Variants in ITFG2 observed in about 807,000 individuals in gnomAD.
The protein encoded by ITFG2 is integrin alpha FG-GAP repeat containing 2.
In ITFG2, 36 loss-of-function variants were observed where a neutral mutation model predicts 54.4. The observed-to-expected ratio is 0.66, with a 90% CI of 0.51 to 0.87. The LOEUF is 0.87. ITFG2 is among the 40% of genes least tolerant of loss of function. The pLI is 0.00. For missense variants in ITFG2, 524 were observed against 576.7 expected (o/e 0.91, Z 0.94); for synonymous variants, 211 against 225.4 (o/e 0.94, Z 0.57).
chr12:2,817,372 G>A (rs1316912042), intron 2 of ITFG2, 54 bp downstream of exon 2: 14 of 1,297,726 alleles, frequency 1.1e-5, no homozygotes, highest in Non-Finnish European at 1.5e-5. Context: ...TTCTGTCCAG[G>A]GACCACCTAG....
intron 1 of ITFG2, 74 bp downstream of exon 1, chr12:2,812,930 C>G: frequency 7.7e-7 from 1 of 1,291,740 alleles, no homozygotes; most frequent in Non-Finnish European, 1.1e-6. Flanking sequence ...AAGAGGCCGC[C>G]CGAGCGTGCC....
chr12:2,859,632 A>G (rs1321704713), exon 4 of ITFG2: 1 of 1,611,506 alleles, frequency 6.2e-7, no homozygotes, highest in South Asian at 1.1e-5. Flanking sequence ...TGCAGAAGAA[A>G]GAGGAGCTAT....
Position 2,852,733 on chromosome 12 carries a change from G to A in ITFG2, n.301-5279G>A, listed in dbSNP as rs148416937. Reference sequence around the variant, plus strand: ...AAATGGGGTTAATGAGGCCGGGCACGGTGGCTCACGCCTGTAATCCCAGCA... The same window carrying A: ...AAATGGGGTTAATGAGGCCGGGCACAGTGGCTCACGCCTGTAATCCCAGCA... On this transcript the variant is annotated intron_variant and non_coding_transcript_variant, in intron 2 of 3. Transcript: ENST00000537710. Among the ~76,000 whole-genome samples the A allele has an allele frequency of 2.4e-3, 360 of 152,134 alleles. 4 individuals are homozygous for A. Among genetic ancestry groups the A allele is most frequent in the African/African-American group, 8.5e-3 (351 of 41,516 alleles).
chr12:2,819,319 T>C (rs1170020711), intron 4 of ITFG2, among the ~76,000 whole-genome samples: 1 of 150,320 alleles, frequency 6.7e-6, no homozygotes, highest in Non-Finnish European at 1.5e-5. Context: ...AAAAAAAAAA[T>C]TAACCGGGCA....
At chr12:2,857,346 G>T (rs2098090784) in intron 2 of ITFG2, 1 of 414,756 alleles carries the variant, frequency 2.4e-6, no homozygotes, top group South Asian at 2.6e-5. Flanking sequence ...CTGTAACTGG[G>T]CCCTTCCTGC....
At chr12:2,817,126 A>C (rs1479591574) in intron 1 of ITFG2, 97 bp from the exon 2 acceptor site, 3 of 703,046 alleles carry the variant, frequency 4.3e-6, no homozygotes, top group Non-Finnish European at 7.6e-6. Context: ...ATACAAGTTG[A>C]GGTCTTGTGA....
intron 2 of ITFG2, among the ~76,000 whole-genome samples, chr12:2,854,086 C>T (rs1453530425): frequency 6.6e-6 from 1 of 152,170 alleles, no homozygotes; most frequent in African/African-American, 2.4e-5. Flanking sequence ...AGTGCAATGG[C>T]ACCATCTTGG....
chr12:2,858,826 G>C, intron 3 of ITFG2: 1 of 1,614,192 alleles, frequency 6.2e-7, no homozygotes, highest in Non-Finnish European at 8.5e-7. Flanking sequence ...GGGGAGCCTG[G>C]CTTGGGGACG....
Position 2,824,289 on chromosome 12 carries a change from A to T in ITFG2, c.*96A>T. ...ATTGGCAGGATAGGGAATATGCATT[A>T]CAGAAATGCAGGATTTGACTCTGGG... is the stretch of plus-strand genomic sequence containing the variant. On this transcript the variant is annotated 3_prime_UTR_variant, in exon 12 of 12. Transcript: ENST00000228799. 4 of 1,246,174 alleles carry T rather than the reference A, an allele frequency of 3.2e-6. No individual in the cohort carries two copies. The highest frequency in any genetic ancestry group is 1.2e-5 in the South Asian group (1 of 81,660). The allele number at this position is 1,246,174 out of a possible 1,614,324, so 77.2% of individuals were successfully genotyped here.
At chr12:2,851,292 AC>A (rs1413555564) in intron 2 of ITFG2, among the ~76,000 whole-genome samples, 2 of 152,140 alleles carry the variant, frequency 1.3e-5, no homozygotes, top group African/African-American at 4.8e-5. Flanking sequence ...CTAGGACATT[AC>A]TGTACACTAC....
At chr12:2,827,581 CT>C, downstream of ITFG2, 2 of 1,613,726 alleles carry the variant, frequency 1.2e-6, no homozygotes, top group Non-Finnish European at 1.7e-6. The surrounding 1 kb of genome is among the most constrained non-coding windows in gnomAD (Gnocchi z 4.0). Context: ...CCTTCTACTA[CT>C]TTTTCCCAGT....
intron 2 of ITFG2, chr12:2,849,144 C>G: frequency 7.2e-7 from 1 of 1,387,712 alleles, no homozygotes; most frequent in East Asian, 2.5e-5. Context: ...CTTTTGCTAC[C>G]CCAGGGCCTC....
chr12:2,834,713 A>G, upstream of ITFG2: 3 of 1,613,982 alleles, frequency 1.9e-6, no homozygotes, highest in Non-Finnish European at 2.5e-6. Context: ...TTGTGCAGGA[A>G]CTGGGTGGCC....
upstream of ITFG2, among the ~76,000 whole-genome samples, chr12:2,836,356 A>G (rs993355469): frequency 2.0e-5 from 3 of 152,188 alleles, no homozygotes; most frequent in Non-Finnish European, 4.4e-5. Context: ...CGCATTGGCC[A>G]AGCACCTGTT....
chr12:2,854,305 G>A (rs558591365), intron 2 of ITFG2, among the ~76,000 whole-genome samples: 2 of 152,312 alleles, frequency 1.3e-5, no homozygotes, highest in South Asian at 2.1e-4. Flanking sequence ...GATTACAGGC[G>A]TGAGCCACCA....
At chr12:2,837,330 T>A (rs1011916085) in intron 1 of ITFG2, among the ~76,000 whole-genome samples, 1 of 152,012 alleles carries the variant, frequency 6.6e-6, no homozygotes, top group East Asian at 1.9e-4. Context: ...ACAAAAAAAT[T>A]AGCCGGGCGC....
chr12:2,821,617 G>A (rs753071476), intron 8 of ITFG2, 21 bp downstream of exon 8: 2 of 1,614,120 alleles, frequency 1.2e-6, no homozygotes, highest in South Asian at 2.2e-5. Flanking sequence ...CTAGGATGGG[G>A]TGTGGGGGCT....
chr12:2,845,102 G>C lies in ITFG2; in HGVS notation n.300+4107G>C, dbSNP rs1009068441. Among the ~76,000 whole-genome samples, 1 of 152,156 alleles carries C rather than the reference G, an allele frequency of 6.6e-6. No individual in the cohort carries two copies. The highest frequency in any genetic ancestry group is 1.5e-5 in the Non-Finnish European group (1 of 68,028). On this transcript the variant is annotated intron_variant and non_coding_transcript_variant, in intron 2 of 3. Coordinates refer to the ITFG2 transcript ENST00000537710. This position sits in a 1 kb window ranked among gnomAD's most constrained non-coding sequence, Gnocchi z 4.2. ...CTATTGACACTGTGTAATGAAAAGA[G>C]CAAATGTGTGCGGCTCGGTGGCAGC...
chr12:2,812,668 G>A lies in ITFG2; in HGVS notation c.-93G>A. ...GGTTCAGGCAGTGACGTAACTTGCT[G>A]CCTTAGGTGGCCTTCCGCTCTGGCG... On this transcript the variant is annotated 5_prime_UTR_variant, in exon 1 of 12. Transcript: ENST00000228799. 1 of 973,702 alleles carries A rather than the reference G, an allele frequency of 1.0e-6. No homozygotes were observed. The highest frequency in any genetic ancestry group is 1.6e-6 in the Non-Finnish European group (1 of 608,820). The allele number at this position is 973,702 out of a possible 1,614,324, so 60.3% of individuals were successfully genotyped here.
Sources: allele counts gnomAD v4.1 joint callset (sites outside exome capture counted in the v4.1 genomes callset), GRCh38; gene constraint gnomAD v4.1.1; non-coding constraint Gnocchi (gnomAD v3.1); transcripts MANE v1.5; gene names NCBI Gene and HGNC (gene_info 2026-07-23, HGNC 2026-07-21).